KLF8: variants seen among roughly 807,000 people sequenced by gnomAD.
The protein encoded by KLF8 is Krueppel-like factor 8.
KLF8 carries 10 observed loss-of-function variants against 18.2 expected under a neutral mutation model. The ratio of observed to expected loss-of-function variants is 0.55; its 90% CI spans 0.34 to 0.93. KLF8 has a LOEUF of 0.93. Among genes scored for constraint, KLF8 ranks in the 40% least tolerant of loss-of-function variants. KLF8 has a pLI of 0.02. For missense variants in KLF8, 264 were observed against 277.9 expected (o/e 0.95, Z 0.36); for synonymous variants, 109 against 97.3 (o/e 1.12, Z -0.71).
chrX:56,146,413 A>T, the KLF8 span, among the ~76,000 whole-genome samples: 1 of 111,689 alleles, frequency 9.0e-6, no homozygotes. Context: ...TTCTTTGCAG[A>T]GACATGGATG....
chrX:56,182,502 G>T, the KLF8 span, among the ~76,000 whole-genome samples: 1 of 112,374 alleles, frequency 8.9e-6, no homozygotes, highest in Non-Finnish European at 1.9e-5. Context: ...GCTTTGTTCT[G>T]TTGCTGGCGA....
At chrX:55,987,446 T>C in the KLF8 span, among the ~76,000 whole-genome samples, 13 of 110,026 alleles carry the variant, frequency 1.2e-4, no homozygotes, top group Non-Finnish European at 2.3e-4. Context: ...GGAGAACATG[T>C]GGTGTTTGGT....
the KLF8 span, among the ~76,000 whole-genome samples, chrX:56,113,058 C>A: frequency 9.1e-6 from 1 of 109,696 alleles, no homozygotes; most frequent in South Asian, 4.0e-4. Context: ...ACTAAAAATA[C>A]AAAAATTAGC....
chrX:56,160,742 G>A, the KLF8 span, among the ~76,000 whole-genome samples: 5 of 110,921 alleles, frequency 4.5e-5, no homozygotes, highest in South Asian at 1.5e-3. Flanking sequence ...CATTTGCTTG[G>A]CAGATCTTCT....
the KLF8 span, among the ~76,000 whole-genome samples, chrX:56,051,021 A>G: frequency 9.1e-6 from 1 of 109,959 alleles, no homozygotes; most frequent in South Asian, 4.0e-4. Context: ...ACCATTATGT[A>G]ATGGCCTTCT....
At chrX:56,034,540 A>C in the KLF8 span, among the ~76,000 whole-genome samples, 36 of 110,762 alleles carry the variant, frequency 3.3e-4, no homozygotes, top group Non-Finnish European at 6.6e-4. Context: ...TGATTGACAC[A>C]GTTATATATA....
At chrX:56,260,868 G>A (rs1203173210) in intron 2 of KLF8, among the ~76,000 whole-genome samples, 3 of 111,682 alleles carry the variant, frequency 2.7e-5, no homozygotes, top group Non-Finnish European at 5.6e-5. Flanking sequence ...AGGCTTTATC[G>A]TGTTTCTATA....
At chrX:55,939,765 A>G in the KLF8 span, among the ~76,000 whole-genome samples, 1 of 112,205 alleles carries the variant, frequency 8.9e-6, no homozygotes, top group Non-Finnish European at 1.9e-5. Flanking sequence ...CAAATAAACT[A>G]GAAAATCTGG....
At chrX:56,182,576 C>T in the KLF8 span, among the ~76,000 whole-genome samples, 1 of 112,321 alleles carries the variant, frequency 8.9e-6, no homozygotes, top group African/African-American at 3.2e-5. Flanking sequence ...CTTTTCTGTT[C>T]TGTTTTCTCC....
the KLF8 span, among the ~76,000 whole-genome samples, chrX:56,036,014 A>T: frequency 8.9e-6 from 1 of 112,162 alleles, no homozygotes; most frequent in Non-Finnish European, 1.9e-5. Context: ...CTTTTGTCAG[A>T]TAGCATGATG....
the KLF8 span, among the ~76,000 whole-genome samples, chrX:56,005,274 A>G: frequency 2.7e-5 from 3 of 110,554 alleles, no homozygotes; most frequent in African/African-American, 9.9e-5. Context: ...GTAGGCACCA[A>G]TATGTCCCCA....
At position 56,287,673 on chromosome X, in the gene KLF8, A is replaced by G. The variant is rs747908096; in HGVS notation, c.*3179A>G. On this transcript the variant is annotated 3_prime_UTR_variant, in exon 6 of 6. Coordinates refer to ENST00000468660, the MANE Select transcript of KLF8 (RefSeq NM_007250.5). ...TGAACTGATTGGGTAGATTAGGCAG[A>G]GTGCATTATGGGCAAGACAAAGGTT... 28 of 111,846 alleles carry G rather than the reference A, an allele frequency of 2.5e-4. 2 individuals carry two copies. The highest frequency in any genetic ancestry group is 1.5e-4 in the Non-Finnish European group (8 of 53,218). 9.2% of individuals were successfully genotyped at this position (111,846 alleles called of 1,213,427 possible).
At chrX:55,945,002 A>G in the KLF8 span, among the ~76,000 whole-genome samples, 26 of 110,333 alleles carry the variant, frequency 2.4e-4, no homozygotes, top group Non-Finnish European at 3.8e-4. Context: ...ACTGCTTTGT[A>G]TGTGTCCCAG....
At chrX:56,180,653 T>A in the KLF8 span, among the ~76,000 whole-genome samples, 1 of 111,303 alleles carries the variant, frequency 9.0e-6, no homozygotes, top group Non-Finnish European at 1.9e-5. Context: ...GAGATTGTGG[T>A]ATGTTGTGTC....
the KLF8 span, among the ~76,000 whole-genome samples, chrX:56,084,299 C>T: frequency 1.8e-5 from 2 of 110,836 alleles, no homozygotes; most frequent in South Asian, 3.9e-4. Context: ...GGGAGGATTG[C>T]TTTAGCCCTA....
chrX:56,031,727 A>G, the KLF8 span, among the ~76,000 whole-genome samples: 1 of 111,541 alleles, frequency 9.0e-6, no homozygotes, highest in African/African-American at 3.3e-5. Context: ...ATGTAGCAGG[A>G]CGAGCTGCGG....
At chrX:56,219,903 G>C in the KLF8 span, among the ~76,000 whole-genome samples, 71 of 111,915 alleles carry the variant, frequency 6.3e-4, no homozygotes, top group African/African-American at 2.2e-3. Flanking sequence ...GAACATTGGG[G>C]GGCAGTAGAG....
At chrX:56,245,185 C>T (rs1424407782) in intron 1 of KLF8, among the ~76,000 whole-genome samples, 1 of 112,133 alleles carries the variant, frequency 8.9e-6, no homozygotes, top group Non-Finnish European at 1.9e-5. Flanking sequence ...AGCACAAGGT[C>T]TTTCTTAGGC....
At chrX:56,215,372 T>C in the KLF8 span, among the ~76,000 whole-genome samples, 1 of 111,503 alleles carries the variant, frequency 9.0e-6, no homozygotes, top group African/African-American at 3.3e-5. Flanking sequence ...ATAAGTCTCA[T>C]TTCATTCTAA....
Sources: allele counts gnomAD v4.1 joint callset (sites outside exome capture counted in the v4.1 genomes callset), GRCh38; gene constraint gnomAD v4.1.1; transcripts MANE v1.5; gene names NCBI Gene and HGNC (gene_info 2026-07-23, HGNC 2026-07-21).